The following APOL2 variants were observed in gnomAD, a reference collection of about 807,000 sequenced individuals.
APOL2 encodes the protein apolipoprotein L2, also known as apolipoprotein L, 2.
In APOL2, 8 loss-of-function variants were observed where a neutral mutation model predicts 7.1. The ratio of observed to expected loss-of-function variants is 1.12; its 90% CI spans 0.66 to 2.03. The LOEUF (loss-of-function observed/expected upper bound fraction) is 2.03, where lower values mean the gene tolerates loss of function less well. Ranked by LOEUF, APOL2 falls within the 30% of genes most tolerant of loss-of-function variation. APOL2 has a pLI of 0.00. For synonymous variants in APOL2, 177 were observed against 159.9 expected, an observed-to-expected ratio of 1.11 and a Z score of -0.81; for missense variants, 471 against 415.1, an observed-to-expected ratio of 1.13 and a Z score of -1.17.
intron 1 of APOL2, 37 bp from the exon 2 acceptor site, chr22:36,233,492 G>A: frequency 6.6e-7 from 1 of 1,512,416 alleles, no homozygotes; most frequent in Non-Finnish European, 9.0e-7. Flanking sequence ...CAGAGGAGGG[G>A]CAGCCATCTG....
upstream of APOL2, chr22:36,239,856 C>A (rs143905966): frequency 1.2e-4 from 35 of 292,612 alleles, no homozygotes; most frequent in African/African-American, 7.6e-4. Flanking sequence ...CCAACCCCCG[C>A]CCCGATCTCT....
intron 1 of APOL2, chr22:36,237,276 C>A: frequency 7.4e-7 from 1 of 1,358,290 alleles, no homozygotes; most frequent in South Asian, 2.0e-5. Context: ...CCCTCCCTCC[C>A]ACCTCAGCTC....
At chr22:36,237,250 C>A in intron 1 of APOL2, 1 of 1,361,168 alleles carries the variant, frequency 7.3e-7, no homozygotes, top group Non-Finnish European at 9.5e-7. Context: ...TCCAACTGAG[C>A]GACCTGGAAG....
Position 36,228,222 on chromosome 22 carries a change from T to A in APOL2, c.196A>T (p.Lys66Ter), listed in dbSNP as rs775662491. 5 of 1,614,190 alleles carry A rather than the reference T, an allele frequency of 3.1e-6. No homozygotes were observed. Among genetic ancestry groups the A allele is most frequent in the Non-Finnish European group, 4.2e-6 (5 of 1,180,034 alleles). ...TCTTTATCGTGGCGGTTTTTGTCCT[T>A]CATGACCATGTGACTTGCAAGCTTG... ...LNKLASHMVM[K>*]DKNRHDKDQQ... The change falls in exon 5 of 5, where the codon AAG becomes TAG. Residue 66 changes from lysine to a stop codon, truncating the protein, a stop_gained. Transcript: ENST00000358502. LOFTEE classifies it low-confidence loss of function (END_TRUNC).
chr22:36,234,991 G>A (rs2015350021), intron 1 of APOL2, among the ~76,000 whole-genome samples: 1 of 152,214 alleles, frequency 6.6e-6, no homozygotes, highest in African/African-American at 2.4e-5. Context: ...GGAGATCAGA[G>A]ATGCCAAGAG....
In APOL2 at chr22:36,227,564, A is replaced by G; in HGVS notation, c.854T>C (p.Leu285Pro). ...VGAATGGILL[L>P]LDVVSLAYES... is the part of the protein sequence containing the mutation. Reference sequence around the variant, plus strand: ...ATATGCAAGGCTGACCACATCCAGCAGAAGCAAGATGCCTCCAGTGGCTGC... The same window carrying G: ...ATATGCAAGGCTGACCACATCCAGCGGAAGCAAGATGCCTCCAGTGGCTGC... Residue 285 changes from leucine to proline, a missense_variant, in exon 5 of 5, where the codon CTG becomes CCG. Physicochemically the swap from Leu to Pro is moderately conservative, Grantham distance 98 (BLOSUM62 -3). Coordinates refer to ENST00000358502, the MANE Select transcript of APOL2 (RefSeq NM_030882.4). The G allele has an allele frequency of 6.2e-7, 1 of 1,614,264 alleles. No individual in the cohort carries two copies. The highest frequency in any genetic ancestry group is 8.5e-7 in the Non-Finnish European group (1 of 1,180,048).
Position 36,227,302 on chromosome 22 carries a change from C to A in APOL2, c.*102G>T, listed in dbSNP as rs1046747347. 2.2e-6 allele frequency: 3 copies of A among 1,368,286 alleles called. No homozygotes were observed. Among genetic ancestry groups the A allele is most frequent in the African/African-American group, 1.8e-5 (1 of 56,908 alleles). The allele number at this position is 1,368,286 out of a possible 1,614,324, so 84.8% of individuals were successfully genotyped here. A position where few individuals can be genotyped will look rare whatever the true frequency, so the allele number is the denominator to read the frequency against. On this transcript the variant is annotated 3_prime_UTR_variant, in exon 5 of 5. Coordinates refer to ENST00000358502, the MANE Select transcript of APOL2 (RefSeq NM_030882.4). ...CTGCACTCCATCCTGGGCGATAGAG[C>A]GAGACTCCATCTCAAAAAAAAAAAA...
chr22:36,237,978 T>A (rs2015468305), intron 1 of APOL2, among the ~76,000 whole-genome samples: 1 of 152,162 alleles, frequency 6.6e-6, no homozygotes, highest in African/African-American at 2.4e-5. Flanking sequence ...GCAAGTCACC[T>A]GTCCTCAGAG....
Position 36,228,236 on chromosome 22 carries a change from C to T in APOL2, c.182G>A (p.Ser61Asn). 1 of 1,614,140 alleles carries T rather than the reference C, an allele frequency of 6.2e-7. No individual in the cohort carries two copies. Among genetic ancestry groups the T allele is most frequent in the Non-Finnish European group, 8.5e-7 (1 of 1,179,994 alleles). The change falls in exon 5 of 5, where the codon AGT becomes AAT. Residue 61 changes from serine to asparagine, a missense_variant. Physicochemically the swap from Ser to Asn is conservative, Grantham distance 46 (BLOSUM62 1). Transcript: ENST00000358502. ...ELRKALNKLA[S>N]HMVMKDKNRH... ...GTTTTTGTCCTTCATGACCATGTGA[C>T]TTGCAAGCTTGTTCAGAGCTTTACG...
intron 4 of APOL2, among the ~76,000 whole-genome samples, chr22:36,231,133 T>C (rs963847687): frequency 6.6e-6 from 1 of 152,248 alleles, no homozygotes; most frequent in African/African-American, 2.4e-5. Context: ...CCTGTTCCTG[T>C]GGGCTTCCTA....
chr22:36,227,883 C>T lies in APOL2; in HGVS notation c.535G>A (p.Ala179Thr). 1 of 1,614,262 alleles carries T rather than the reference C, an allele frequency of 6.2e-7. No individual in the cohort carries two copies. Among genetic ancestry groups the T allele is most frequent in the African/African-American group, 1.3e-5 (1 of 75,058 alleles). ...CTTTGGTCCAAGTTGCGGGCTTGGGCTCGTGCCCGCAATTTGTTTACTAGT... is the reference window on the plus strand; with the variant it reads ...CTTTGGTCCAAGTTGCGGGCTTGGGTTCGTGCCCGCAATTTGTTTACTAGT... ...VELVNKLRAR[A>T]QARNLDQSGT... The change falls in exon 5 of 5, where the codon GCC (alanine) becomes ACC (threonine). Residue 179 changes from alanine to threonine, a missense_variant. Physicochemically the swap from Ala to Thr is moderately conservative, Grantham distance 58 (BLOSUM62 0). Coordinates refer to ENST00000358502, the MANE Select transcript of APOL2 (RefSeq NM_030882.4).
chr22:36,228,939 C>T (rs1175532423), intron 4 of APOL2, among the ~76,000 whole-genome samples: 1 of 152,192 alleles, frequency 6.6e-6, no homozygotes, highest in Admixed American at 6.5e-5. Context: ...CCAGCCCCAG[C>T]AGATACTCTG....
At chr22:36,231,255 G>T in intron 4 of APOL2, 85 bp downstream of exon 4, 1 of 1,541,192 alleles carries the variant, frequency 6.5e-7, no homozygotes, top group Non-Finnish European at 8.8e-7. Context: ...CCTGGAGGAG[G>T]TGTGCCTGTC....
At chr22:36,239,042 C>A in intron 1 of APOL2, 1 of 939,712 alleles carries the variant, frequency 1.1e-6, no homozygotes, top group Non-Finnish European at 1.4e-6. Flanking sequence ...GTGGCCCGGC[C>A]ACAAGGACAT....
At chr22:36,230,169 C>G (rs1218936391) in intron 4 of APOL2, among the ~76,000 whole-genome samples, 1 of 152,198 alleles carries the variant, frequency 6.6e-6, no homozygotes, top group African/African-American at 2.4e-5. Flanking sequence ...AAGTGTTTTC[C>G]TCCTCGGTTG....
At chr22:36,230,507 T>C (rs1456932656) in intron 4 of APOL2, among the ~76,000 whole-genome samples, 4 of 152,084 alleles carry the variant, frequency 2.6e-5, no homozygotes, top group Non-Finnish European at 2.9e-5. Flanking sequence ...GTCCCAGCCC[T>C]GGTGCCCCAG....
chr22:36,231,071 A>G (rs556260951), intron 4 of APOL2, among the ~76,000 whole-genome samples: 14 of 152,372 alleles, frequency 9.2e-5, no homozygotes, highest in African/African-American at 3.4e-4. Context: ...AAAGGCTGAA[A>G]GTGAGAAAGT....
At chr22:36,229,598 A>G (rs184133968) in intron 4 of APOL2, among the ~76,000 whole-genome samples, 4 of 152,206 alleles carry the variant, frequency 2.6e-5, no homozygotes, top group Non-Finnish European at 2.9e-5. Context: ...TCCCTGTGAT[A>G]AACCACAATC....
Position 36,226,992 on chromosome 22 carries a change from T to G in APOL2, c.*412A>C. 5.7e-6 allele frequency: 1 copy of G among 175,446 alleles called. No individual in the cohort carries two copies. Among genetic ancestry groups the G allele is most frequent in the East Asian group, 1.5e-4 (1 of 6,482 alleles). 10.9% of individuals were successfully genotyped at this position (175,446 alleles called of 1,614,324 possible). ...CACTAACACTCAGTTCCATAAGCTT[T>G]ACCTTGCCCTCCTTATCCCCCTAAT... On this transcript the variant is annotated 3_prime_UTR_variant, in exon 5 of 5. Transcript: ENST00000358502.
Sources: gnomAD v4.1 joint callset for allele counts (sites outside exome capture counted in the v4.1 genomes callset) on GRCh38, gnomAD v4.1.1 for gene constraint, MANE v1.5 for transcripts, NCBI Gene and HGNC (gene_info 2026-07-23, HGNC 2026-07-21) for gene names.